Variants in SLC16A10 observed in about 807,000 individuals in gnomAD.
The protein encoded by SLC16A10 is solute carrier family 16 member 10.
SLC16A10 carries 27 observed loss-of-function variants against 40.0 expected under a neutral mutation model. The observed-to-expected ratio is 0.67, with a 90% CI of 0.50 to 0.93. SLC16A10 has a LOEUF of 0.93. SLC16A10 is among the 40% of genes least tolerant of loss of function. The pLI is 0.00. For missense variants in SLC16A10, 529 were observed against 658.2 expected (o/e 0.80, Z 2.15); for synonymous variants, 213 against 249.8 (o/e 0.85, Z 1.39).
chr6:111,144,433 G>A (rs1344216824), intron 1 of SLC16A10, among the ~76,000 whole-genome samples: 2 of 152,168 alleles, frequency 1.3e-5, no homozygotes, highest in African/African-American at 4.8e-5. Flanking sequence ...TCGATCTCCT[G>A]ACCTCGTGAT....
intron 1 of SLC16A10, among the ~76,000 whole-genome samples, chr6:111,144,989 C>G (rs1562411989): frequency 6.6e-6 from 1 of 152,050 alleles, no homozygotes; most frequent in African/African-American, 2.4e-5. Flanking sequence ...GCCACCACAC[C>G]CATATAATTT....
At chr6:111,160,312 C>T (rs1772346924) in intron 1 of SLC16A10, among the ~76,000 whole-genome samples, 1 of 152,192 alleles carries the variant, frequency 6.6e-6, no homozygotes, top group South Asian at 2.1e-4. Context: ...AGTCTCAGCT[C>T]ACTGCAACCT....
chr6:111,191,413 C>G (rs1222868184), intron 3 of SLC16A10, among the ~76,000 whole-genome samples: 2 of 152,166 alleles, frequency 1.3e-5, no homozygotes, highest in Non-Finnish European at 1.5e-5. Flanking sequence ...TTTATCCAGT[C>G]TATCACTGAT....
At chr6:111,153,284 C>G (rs1338705566) in intron 1 of SLC16A10, among the ~76,000 whole-genome samples, 1 of 152,176 alleles carries the variant, frequency 6.6e-6, no homozygotes, top group African/African-American at 2.4e-5. Flanking sequence ...CCTGTAATCG[C>G]AGCACTTTGG....
chr6:111,111,186 A>AT (rs899015222), intron 1 of SLC16A10, among the ~76,000 whole-genome samples: 22 of 152,050 alleles, frequency 1.4e-4, no homozygotes, highest in Admixed American at 6.6e-5. Context: ...TATGCTATAA[A>AT]TTTTTTTTGT....
intron 1 of SLC16A10, among the ~76,000 whole-genome samples, chr6:111,130,699 G>A (rs9487588): frequency 0.025 from 3,752 of 152,292 alleles, 147 homozygotes; most frequent in African/African-American, 0.083. Flanking sequence ...ACCTGGGTCC[G>A]TTGGGCTATT....
chr6:111,181,333 TG>T (rs745376703), intron 3 of SLC16A10, among the ~76,000 whole-genome samples: 1 of 152,102 alleles, frequency 6.6e-6, no homozygotes, highest in Non-Finnish European at 1.5e-5. Flanking sequence ...TCCTCATCTA[TG>T]GAGATAAACC....
rs1770887226 is a variant in SLC16A10 at position 111,087,532 on chromosome 6, G to GCTT, written c.-219_-217dup. ...GGGGGTGCGGGGCTGTGACCTAGAG[G>GCTT]CTTCAGTGTCGATCCCCGAGGTGTT... On this transcript the variant is annotated 5_prime_UTR_variant, in exon 1 of 6. Transcript: ENST00000368851. The GCTT allele has an allele frequency of 5.0e-6, 1 of 198,714 alleles. No individual in the cohort carries two copies. Among genetic ancestry groups the GCTT allele is most frequent in the Admixed American group, 5.9e-5 (1 of 16,846 alleles). The allele number at this position is 198,714 out of a possible 1,614,324, so 12.3% of individuals were successfully genotyped here.
chr6:111,195,506 G>A (rs938562583), intron 3 of SLC16A10, among the ~76,000 whole-genome samples: 1 of 152,102 alleles, frequency 6.6e-6, no homozygotes, highest in African/African-American at 2.4e-5. Flanking sequence ...TATGAAATAG[G>A]AATTTATCAC....
chr6:111,207,400 C>T, intron 4 of SLC16A10, among the ~76,000 whole-genome samples: 1 of 152,174 alleles, frequency 6.6e-6, no homozygotes, highest in East Asian at 1.9e-4. Context: ...CAAATTGCCT[C>T]CTCGTGTTTT....
intron 1 of SLC16A10, among the ~76,000 whole-genome samples, chr6:111,151,179 T>C (rs1466514922): frequency 6.6e-6 from 1 of 152,202 alleles, no homozygotes; most frequent in Admixed American, 6.5e-5. Context: ...GAATTTAATG[T>C]ACAGTAACTA....
In SLC16A10 at chr6:111,140,269, C is replaced by T. The variant is rs112224114; in HGVS notation, c.344-32426C>T. 8.1e-3 allele frequency among the ~76,000 whole-genome samples: 1,227 copies of T among 151,980 alleles called. 7 individuals are homozygous for T. Among genetic ancestry groups the T allele is most frequent in the Non-Finnish European group, 0.013 (915 of 67,950 alleles). ...CTTGAGCCCAGGAGTTTAAGGCCAG[C>T]CCAGGCAACATAGCAGAACCCCATC... On this transcript the variant is annotated intron_variant, in intron 1 of 5. Transcript: ENST00000368851.
In SLC16A10 at chr6:111,177,475, A is replaced by G; in HGVS notation, c.752A>G (p.Tyr251Cys). 6.2e-7 allele frequency: 1 copy of G among 1,614,078 alleles called. No homozygotes were observed. Among genetic ancestry groups the G allele is most frequent in the Non-Finnish European group, 8.5e-7 (1 of 1,180,016 alleles). Residue 251 changes from tyrosine to cysteine, a missense_variant, in exon 3 of 6, where the codon TAC (tyrosine) becomes TGC (cysteine). Physicochemically the swap from Tyr to Cys is radical, Grantham distance 194 (BLOSUM62 -2). Transcript: ENST00000368851. ...GTTCTCTTTCTGGCTGGCTTTACTT[A>G]CCGACCTCTTGCTACCAGTACCAAA... ...MFVLFLAGFT[Y>C]RPLATSTKDK...
In SLC16A10 at chr6:111,107,887, C is replaced by G. The variant is rs551008054; in HGVS notation, c.343+19792C>G. Among the ~76,000 whole-genome samples, 7 of 152,208 alleles carry G rather than the reference C, an allele frequency of 4.6e-5. No homozygotes were observed. The South Asian group carries it at 1.2e-3, about 27-fold the overall frequency. On this transcript the variant is annotated intron_variant, in intron 1 of 5. Coordinates refer to ENST00000368851, the MANE Select transcript of SLC16A10 (RefSeq NM_018593.5). The stretch of plus-strand genomic sequence containing the variant: ...TTGAGAAAATTAGCCAAAGTTTTAG[C>G]AAAACAAACAAATACCCAGGGAAGC...
At chr6:111,207,070 A>T (rs1284197873) in intron 4 of SLC16A10, among the ~76,000 whole-genome samples, 1 of 152,192 alleles carries the variant, frequency 6.6e-6, no homozygotes, top group Non-Finnish European at 1.5e-5. Context: ...ACCTCAGGTG[A>T]TCTGCCCGCC....
chr6:111,094,925 C>T (rs902025804), intron 1 of SLC16A10, among the ~76,000 whole-genome samples: 1 of 152,192 alleles, frequency 6.6e-6, no homozygotes, highest in Non-Finnish European at 1.5e-5. Flanking sequence ...ACAGGCGGGA[C>T]CTACTGTGCC....
At chr6:111,124,197 G>A (rs2114478886) in intron 1 of SLC16A10, among the ~76,000 whole-genome samples, 1 of 152,108 alleles carries the variant, frequency 6.6e-6, no homozygotes. Flanking sequence ...AATAGGATTG[G>A]CCATAGAAAT....
intron 1 of SLC16A10, among the ~76,000 whole-genome samples, chr6:111,088,361 C>T (rs1226146037): frequency 6.6e-6 from 1 of 152,218 alleles, no homozygotes; most frequent in African/African-American, 2.4e-5. Context: ...GTCCTCCTTT[C>T]CCCTCAGCAG....
At chr6:111,177,049 G>A (rs1276466213) in intron 2 of SLC16A10, among the ~76,000 whole-genome samples, 163 bp from the exon 3 acceptor site, 1 of 150,308 alleles carries the variant, frequency 6.7e-6, no homozygotes, top group East Asian at 1.9e-4. Context: ...GACTTACTGA[G>A]TTTTTCCCTC....
Sources: allele counts gnomAD v4.1 joint callset (sites outside exome capture counted in the v4.1 genomes callset), GRCh38; gene constraint gnomAD v4.1.1; transcripts MANE v1.5; gene names NCBI Gene and HGNC (gene_info 2026-07-23, HGNC 2026-07-21).